KIF2B: variants seen among roughly 807,000 people sequenced by gnomAD.
KIF2B encodes kinesin family member 2B.
KIF2B carries 5 observed loss-of-function variants against 6.8 expected under a neutral mutation model. The observed-to-expected ratio is 0.74, with a 90% CI of 0.39 to 1.55. KIF2B has a LOEUF of 1.55. KIF2B is among the 40% of genes most tolerant of loss of function. The pLI, the probability that KIF2B is intolerant of heterozygous loss-of-function variation, is 0.03. For missense variants in KIF2B, 908 were observed against 831.3 expected (o/e 1.09, Z -1.13); for synonymous variants, 370 against 330.7 (o/e 1.12, Z -1.29).
Position 53,824,086 on chromosome 17 carries a change from A to C in KIF2B, c.1053A>C (p.Lys351Asn). The change falls in exon 1 of 1, where the codon AAA (lysine) becomes AAC (asparagine). Residue 351 changes from lysine to asparagine, a missense_variant. Coordinates refer to ENST00000268919, the MANE Select transcript of KIF2B (RefSeq NM_032559.5). The part of the protein sequence containing the change: ...RNSTYEKLDL[K>N]VYGTFFEIYG... ...CCACATATGAGAAGCTGGACCTCAAAGTCTATGGGACATTTTTTGAGATTT... is the reference window on the plus strand; with the variant it reads ...CCACATATGAGAAGCTGGACCTCAACGTCTATGGGACATTTTTTGAGATTT... 1 of 1,614,210 alleles carries C rather than the reference A, an allele frequency of 6.2e-7. No individual in the cohort carries two copies. Among genetic ancestry groups the C allele is most frequent in the South Asian group, 1.1e-5 (1 of 91,084 alleles).
In KIF2B at chr17:53,823,564, T is replaced by C; in HGVS notation, c.531T>C (p.Asp177=). ...AGATCCGAGCTAGACGCGCCCTCGA[T>C]GTCAATACCAGAAACCCCAACTACG... ...QQEIRARRAL[D]VNTRNPNYEI... Residue 177 remains aspartate, a synonymous_variant, in exon 1 of 1, where the codon GAT becomes GAC. Coordinates refer to ENST00000268919, the MANE Select transcript of KIF2B (RefSeq NM_032559.5). The C allele has an allele frequency of 6.2e-7, 1 of 1,613,358 alleles. No individual in the cohort carries two copies. The highest frequency in any genetic ancestry group is 8.5e-7 in the Non-Finnish European group (1 of 1,180,026).
Position 53,823,959 on chromosome 17 carries a change from A to T in KIF2B, c.926A>T (p.Lys309Met), listed in dbSNP as rs1382034469. The change falls in exon 1 of 1, where the codon AAG becomes ATG. Residue 309 changes from lysine to methionine, a missense_variant. By Grantham distance (95) the Lys-to-Met change is moderately conservative (BLOSUM62 -1). Transcript: ENST00000268919. Reference protein sequence around the residue: ...CFAYGQTGSGKTYTMGGDFSG... With the variant: ...CFAYGQTGSGMTYTMGGDFSG... Reference sequence around the variant, plus strand: ...GCCTATGGGCAGACGGGAAGTGGGAAGACGTACACCATGGGTGGAGACTTT... The same window carrying T: ...GCCTATGGGCAGACGGGAAGTGGGATGACGTACACCATGGGTGGAGACTTT... The T allele has an allele frequency of 6.2e-6, 10 of 1,614,122 alleles. No homozygotes were observed. The highest frequency in any genetic ancestry group is 8.5e-6 in the Non-Finnish European group (10 of 1,180,050).
In KIF2B at chr17:53,824,936, G is replaced by C. The variant is rs1906526064; in HGVS notation, c.1903G>C (p.Asp635His). The change falls in exon 1 of 1, where the codon GAT (aspartate) becomes CAT (histidine). Residue 635 changes from aspartate (D) to histidine (H), a missense_variant. Transcript: ENST00000268919. ...ERAGGVHHDI[D>H]FCIARSLSIL... ...AGCTGGTGGAGTACACCATGATATTGATTTTTGCATTGCCCGGTCTTTGTC... is the reference window on the plus strand; with the variant it reads ...AGCTGGTGGAGTACACCATGATATTCATTTTTGCATTGCCCGGTCTTTGTC... 1 of 1,614,132 alleles carries C rather than the reference G, an allele frequency of 6.2e-7. No individual in the cohort carries two copies. The highest frequency in any genetic ancestry group is 1.1e-5 in the South Asian group (1 of 91,076).
rs1906448678 is a variant in KIF2B, at chr17:53,823,203, C to T, written c.170C>T (p.Thr57Met). The T allele has an allele frequency of 1.2e-6, 2 of 1,614,154 alleles. No homozygotes were observed. The highest frequency in any genetic ancestry group is 1.7e-5 in the Admixed American group (1 of 60,014). ...ATCAACAGAGAAAACTATTGGGTCA[C>T]GGTAGAGTGGGTGGAGAAAGCAGTC... ...TEINRENYWV[T>M]VEWVEKAVKK... The change falls in exon 1 of 1, where the codon ACG (threonine) becomes ATG (methionine). Residue 57 changes from threonine to methionine, a missense_variant. Coordinates refer to ENST00000268919, the MANE Select transcript of KIF2B (RefSeq NM_032559.5).
In KIF2B at chr17:53,824,850, G is replaced by A. The variant is rs1906522571; in HGVS notation, c.1817G>A (p.Gly606Glu). ...EEVETLPTLL[G>E]KDTTISGKGS... ...GTTGAAACATTACCCACTCTGTTAG[G>A]GAAGGATACCACAATTTCAGGGAAG... is the stretch of plus-strand genomic sequence containing the variant. The change falls in exon 1 of 1, where the codon GGG becomes GAG. Residue 606 changes from glycine (G) to glutamate (E), a missense_variant. Transcript: ENST00000268919. 6.2e-7 allele frequency: 1 copy of A among 1,613,990 alleles called. No individual in the cohort carries two copies.
At position 53,824,349 on chromosome 17, in the gene KIF2B, T is replaced by C. The variant is rs1054003742; in HGVS notation, c.1316T>C (p.Met439Thr). ...FQIILKSGRIMHGKFSLVDLA... is the reference protein window; with the variant it reads ...FQIILKSGRITHGKFSLVDLA... ...ATCATCCTGAAGTCAGGACGGATAA[T>C]GCATGGCAAGTTTTCCCTCGTTGAT... The change falls in exon 1 of 1, where the codon ATG (methionine) becomes ACG (threonine). Residue 439 changes from methionine to threonine, a missense_variant. Coordinates refer to ENST00000268919, the MANE Select transcript of KIF2B (RefSeq NM_032559.5). 6.2e-7 allele frequency: 1 copy of C among 1,614,088 alleles called. No individual in the cohort carries two copies. The highest frequency in any genetic ancestry group is 8.5e-7 in the Non-Finnish European group (1 of 1,180,008).
Position 53,823,289 on chromosome 17 carries a change from G to A in KIF2B, c.256G>A (p.Ala86Thr), listed in dbSNP as rs144757870. ...CCTGCTGAATCCAGCTCTGGACTCT[G>A]CTGAACACCCCATGCCGCCCCCGCC... ...ILLLNPALDS[A>T]EHPMPPPPLS... The change falls in exon 1 of 1, where the codon GCT (alanine) becomes ACT (threonine). Residue 86 changes from alanine (A) to threonine (T), a missense_variant. By Grantham distance (58) the Ala-to-Thr change is moderately conservative. Transcript: ENST00000268919. 2.4e-5 allele frequency: 39 copies of A among 1,614,138 alleles called. No individual in the cohort carries two copies. The African/African-American group carries it at 4.5e-4, about 19-fold the overall frequency.
At position 53,823,739 on chromosome 17, in the gene KIF2B, A is replaced by G. The variant is rs779727262; in HGVS notation, c.706A>G (p.Ile236Val). The G allele has an allele frequency of 2.5e-6, 4 of 1,614,078 alleles. No individual in the cohort carries two copies. The highest frequency in any genetic ancestry group is 3.4e-6 in the Non-Finnish European group (4 of 1,179,902). The change falls in exon 1 of 1, where the codon ATC (isoleucine) becomes GTC (valine). Residue 236 changes from isoleucine to valine, a missense_variant. Transcript: ENST00000268919. ...RETTLKDLDIITVPSDNVVMV... is the reference protein window; with the variant it reads ...RETTLKDLDIVTVPSDNVVMV... Reference sequence around the variant, plus strand: ...GACAACCTTAAAGGACCTGGATATCATCACCGTCCCCTCGGACAATGTGGT... The same window carrying G: ...GACAACCTTAAAGGACCTGGATATCGTCACCGTCCCCTCGGACAATGTGGT...
rs2143782500 is a variant in KIF2B, at chr17:53,823,909, C to T, written c.876C>T (p.Phe292=). ...CCCAGCCACTGGTGGAGTCCATCTT[C>T]CGCAAGGGCATGGCCACCTGCTTTG... is the stretch of plus-strand genomic sequence containing the variant. ...FTAQPLVESI[F]RKGMATCFAY... Residue 292 remains phenylalanine, a synonymous_variant, in exon 1 of 1, where the codon TTC becomes TTT. Transcript: ENST00000268919. 2 of 1,614,248 alleles carry T rather than the reference C, an allele frequency of 1.2e-6. No homozygotes were observed. The highest frequency in any genetic ancestry group is 1.7e-6 in the Non-Finnish European group (2 of 1,180,050).
chr17:53,823,687 G>A lies in KIF2B; in HGVS notation c.654G>A (p.Val218=). ...PPQEHRICVC[V]RKRPLNQRET... is the part of the protein sequence containing the mutation. ...AAGAACATCGCATCTGCGTCTGCGT[G>A]AGGAAGCGGCCTCTCAACCAGCGAG... is the stretch of plus-strand genomic sequence containing the variant. The change falls in exon 1 of 1, where the codon GTG becomes GTA. Residue 218 remains valine (V), a synonymous_variant. Coordinates refer to ENST00000268919, the MANE Select transcript of KIF2B (RefSeq NM_032559.5). The A allele has an allele frequency of 6.2e-7, 1 of 1,614,204 alleles. No homozygotes were observed.
rs572962662 is a variant in KIF2B, at chr17:53,824,779, T to C, written c.1746T>C (p.Ile582=). 3.1e-6 allele frequency: 5 copies of C among 1,614,096 alleles called. No individual in the cohort carries two copies. The African/African-American group carries it at 4.0e-5, about 13-fold the overall frequency. ...TGTCCCTTCAGAGGGATGAATTTAT[T>C]AAAATACCTTATGTACAGAGTGAGG... is the stretch of plus-strand genomic sequence containing the variant. ...SEMSLQRDEF[I]KIPYVQSEEQ... Residue 582 remains isoleucine, a synonymous_variant, in exon 1 of 1, where the codon ATT becomes ATC. Transcript: ENST00000268919.
chr17:53,823,957 G>A lies in KIF2B; in HGVS notation c.924G>A (p.Gly308=), dbSNP rs747435870. The change falls in exon 1 of 1, where the codon GGG becomes GGA. Residue 308 remains glycine, a synonymous_variant. Transcript: ENST00000268919. ...TTGCCTATGGGCAGACGGGAAGTGG[G>A]AAGACGTACACCATGGGTGGAGACT... ...TCFAYGQTGS[G]KTYTMGGDFS... 2.5e-6 allele frequency: 4 copies of A among 1,614,136 alleles called. No individual in the cohort carries two copies.
chr17:53,823,156 C>A lies in KIF2B; in HGVS notation c.123C>A (p.Ile41=). The A allele has an allele frequency of 5.0e-6, 8 of 1,614,204 alleles. No individual in the cohort carries two copies. The highest frequency in any genetic ancestry group is 6.8e-6 in the Non-Finnish European group (8 of 1,180,034). Residue 41 remains isoleucine (I), a synonymous_variant, in exon 1 of 1, where the codon ATC becomes ATA. Coordinates refer to ENST00000268919, the MANE Select transcript of KIF2B (RefSeq NM_032559.5). ...YVAIQRSDKR[I]HLAVVTEINR... is the part of the protein sequence containing the mutation. The stretch of plus-strand genomic sequence containing the variant: ...CGATCCAGCGCAGTGACAAGCGGAT[C>A]CACCTCGCTGTGGTCACGGAGATCA...
rs771942045 is a variant in KIF2B, at chr17:53,824,463, C to T, written c.1430C>T (p.Ala477Val). ...EGAEINKSLL[A>V]LKECILALGQ... The stretch of plus-strand genomic sequence containing the variant: ...GCAGAGATTAACAAGAGTCTTCTAG[C>T]CCTCAAAGAATGTATTCTGGCTTTG... Residue 477 changes from alanine (A) to valine (V), a missense_variant, in exon 1 of 1, where the codon GCC (alanine) becomes GTC (valine). Coordinates refer to ENST00000268919, the MANE Select transcript of KIF2B (RefSeq NM_032559.5). 6.2e-7 allele frequency: 1 copy of T among 1,614,028 alleles called. No homozygotes were observed. Among genetic ancestry groups the T allele is most frequent in the Non-Finnish European group, 8.5e-7 (1 of 1,179,990 alleles).
In KIF2B at chr17:53,823,705, C is replaced by A. The variant is rs1487153579; in HGVS notation, c.672C>A (p.Asn224Lys). ...ICVCVRKRPL[N>K]QRETTLKDLD... ...TCTGCGTGAGGAAGCGGCCTCTCAACCAGCGAGAGACAACCTTAAAGGACC... is the reference window on the plus strand; with the variant it reads ...TCTGCGTGAGGAAGCGGCCTCTCAAACAGCGAGAGACAACCTTAAAGGACC... The change falls in exon 1 of 1, where the codon AAC becomes AAA. Residue 224 changes from asparagine (N) to lysine (K), a missense_variant. Transcript: ENST00000268919. 2 of 1,614,122 alleles carry A rather than the reference C, an allele frequency of 1.2e-6. No homozygotes were observed. The highest frequency in any genetic ancestry group is 1.7e-6 in the Non-Finnish European group (2 of 1,180,054).
Position 53,825,175 on chromosome 17 carries a change from T to A in KIF2B, c.*120T>A. 1.5e-6 allele frequency: 1 copy of A among 672,084 alleles called. No homozygotes were observed. The highest frequency in any genetic ancestry group is 2.5e-6 in the Non-Finnish European group (1 of 392,946). The allele number at this position is 672,084 out of a possible 1,614,324, so 41.6% of individuals were successfully genotyped here. A position where few individuals can be genotyped will look rare whatever the true frequency, so the allele number is the denominator to read the frequency against. On this transcript the variant is annotated 3_prime_UTR_variant, in exon 1 of 1. Coordinates refer to ENST00000268919, the MANE Select transcript of KIF2B (RefSeq NM_032559.5). ...CTGAGAAGCTTAAAACATCTTAAAATACACTGATGGGAAACATGCTCTTTC... is the reference window on the plus strand; with the variant it reads ...CTGAGAAGCTTAAAACATCTTAAAAAACACTGATGGGAAACATGCTCTTTC...
Position 53,824,683 on chromosome 17 carries a change from C to T in KIF2B, c.1650C>T (p.Tyr550=), listed in dbSNP as rs1295656905. ...VKKLNVDVRP[Y]HRGHYPIGHE... ...AATTAAATGTAGATGTAAGGCCCTA[C>T]CATCGTGGCCACTATCCGATTGGAC... is the stretch of plus-strand genomic sequence containing the variant. Residue 550 remains tyrosine (Y), a synonymous_variant, in exon 1 of 1, where the codon TAC becomes TAT. Coordinates refer to ENST00000268919, the MANE Select transcript of KIF2B (RefSeq NM_032559.5). 2 of 1,614,008 alleles carry T rather than the reference C, an allele frequency of 1.2e-6. No homozygotes were observed. The highest frequency in any genetic ancestry group is 2.7e-5 in the African/African-American group (2 of 74,930).
chr17:53,824,927 CATG>C lies in KIF2B; in HGVS notation c.1897_1899del (p.Asp633del), dbSNP rs1567760671. 2 of 1,614,038 alleles carry C rather than the reference CATG, an allele frequency of 1.2e-6. No homozygotes were observed. The highest frequency in any genetic ancestry group is 8.5e-7 in the Non-Finnish European group (1 of 1,179,970). On this transcript the variant is annotated inframe_deletion, in exon 1 of 1. Transcript: ENST00000268919. ...CCAGGAGAGAGCTGGTGGAGTACAC[CATG>C]ATATTGATTTTTGCATTGCCCGGTC... is the stretch of plus-strand genomic sequence containing the variant.
rs1224146150 is a variant in KIF2B, at chr17:53,824,479, T to G, written c.1446T>G (p.Ile482Met). The G allele has an allele frequency of 3.1e-6, 5 of 1,614,080 alleles. No homozygotes were observed. Among genetic ancestry groups the G allele is most frequent in the Non-Finnish European group, 3.4e-6 (4 of 1,180,026 alleles). Residue 482 changes from isoleucine to methionine, a missense_variant, in exon 1 of 1, where the codon ATT becomes ATG. By Grantham distance (10) the Ile-to-Met change is conservative. Coordinates refer to ENST00000268919, the MANE Select transcript of KIF2B (RefSeq NM_032559.5). ...NKSLLALKEC[I>M]LALGQNKPHT... ...GTCTTCTAGCCCTCAAAGAATGTAT[T>G]CTGGCTTTGGGTCAGAACAAGCCTC...
Sources: gnomAD v4.1 joint callset for allele counts on GRCh38, gnomAD v4.1.1 for gene constraint, MANE v1.5 for transcripts, NCBI Gene and HGNC (gene_info 2026-07-23, HGNC 2026-07-21) for gene names.